The following CNTNAP2 variants were observed in gnomAD, a reference collection of about 807,000 sequenced individuals.
CNTNAP2 encodes contactin associated protein 2, also known as contactin-associated protein-like 2.
A neutral mutation model predicts 155.2 loss-of-function variants in CNTNAP2; 98 were observed. That is an observed-to-expected ratio of 0.63 (90% CI 0.54 to 0.75). The LOEUF (loss-of-function observed/expected upper bound fraction) is 0.75, where lower values mean the gene tolerates loss of function less well. CNTNAP2 is among the 30% of genes least tolerant of loss of function. The probability of loss-of-function intolerance (pLI) is 0.00; values close to 1 mark genes in which losing one functional copy is unlikely to be tolerated. For missense variants in CNTNAP2, 1,727 were observed against 1,688.1 expected (o/e 1.02, Z -0.40); for synonymous variants, 651 against 631.2 (o/e 1.03, Z -0.47).
intron 9 of CNTNAP2, among the ~76,000 whole-genome samples, chr7:147,356,036 A>G (rs1280943721): frequency 2.6e-5 from 4 of 152,134 alleles, no homozygotes; most frequent in African/African-American, 9.7e-5. Context: ...AAAATCCTCA[A>G]TAAAATACTA....
intron 13 of CNTNAP2, among the ~76,000 whole-genome samples, chr7:147,689,848 T>C (rs149678554): frequency 0.016 from 2,503 of 152,266 alleles, 221 homozygotes; most frequent in Admixed American, 0.15. Flanking sequence ...CAGGAGACAG[T>C]ATGCAGAAAA....
At chr7:146,958,634 C>T (rs917899221) in intron 3 of CNTNAP2, among the ~76,000 whole-genome samples, 2 of 151,530 alleles carry the variant, frequency 1.3e-5, no homozygotes, top group South Asian at 2.1e-4. Context: ...AGGATGGTGT[C>T]GATCTCCTGA....
chr7:147,663,872 TG>T (rs139545931), intron 13 of CNTNAP2, among the ~76,000 whole-genome samples: 7,601 of 152,266 alleles, frequency 0.05, 624 homozygotes, highest in African/African-American at 0.17. Context: ...AATGTGGAAT[TG>T]GTTCATTTAT....
chr7:146,641,835 T>A (rs1184343303), intron 1 of CNTNAP2, among the ~76,000 whole-genome samples: 2 of 152,230 alleles, frequency 1.3e-5, no homozygotes, highest in African/African-American at 4.8e-5. Flanking sequence ...GTGAGCATAT[T>A]AAAACCTAAT....
chr7:147,067,392 T>C (rs1032907623), intron 4 of CNTNAP2, among the ~76,000 whole-genome samples: 3 of 151,730 alleles, frequency 2.0e-5, no homozygotes, highest in African/African-American at 7.3e-5. Flanking sequence ...TGCTGTTTTA[T>C]TGGGGGTCAG....
Position 147,903,671 on chromosome 7 carries a change from C to A in CNTNAP2, c.2205C>A (p.Asn735Lys), listed in dbSNP as rs200610099. ...IQKCACGIER[N>K]CTDPKYYCNC... ...AATGTGCCTGCGGCATCGAACGCAACTGCACAGATCCCAAGTACTACTGTA... is the reference window on the plus strand; with the variant it reads ...AATGTGCCTGCGGCATCGAACGCAAATGCACAGATCCCAAGTACTACTGTA... The change falls in exon 14 of 24, where the codon AAC becomes AAA. Residue 735 changes from asparagine (N) to lysine (K), a missense_variant. By Grantham distance (94) the Asn-to-Lys change is moderately conservative. Coordinates refer to ENST00000361727, the MANE Select transcript of CNTNAP2 (RefSeq NM_014141.6). 560 of 1,613,916 alleles carry A rather than the reference C, an allele frequency of 3.5e-4. 6 individuals carry two copies. The highest frequency in any genetic ancestry group is 1.6e-4 in the Middle Eastern group (1 of 6,084).
chr7:148,263,069 G>A (rs1352406135), intron 20 of CNTNAP2: 2 of 152,230 alleles, frequency 1.3e-5, no homozygotes, highest in Non-Finnish European at 2.9e-5. Flanking sequence ...GTATGCGAGA[G>A]AGAAGACGTA....
At chr7:147,016,858 A>C (rs1798733394) in intron 3 of CNTNAP2, among the ~76,000 whole-genome samples, 2 of 152,158 alleles carry the variant, frequency 1.3e-5, no homozygotes, top group Admixed American at 6.6e-5. Flanking sequence ...TCTACTCCCT[A>C]GGTCACTGTG....
intron 14 of CNTNAP2, among the ~76,000 whole-genome samples, chr7:147,937,852 A>T (rs934769806): frequency 6.6e-6 from 1 of 152,164 alleles, no homozygotes; most frequent in East Asian, 1.9e-4. Flanking sequence ...TTTGAATTGG[A>T]GACTCAAATT....
intron 1 of CNTNAP2, among the ~76,000 whole-genome samples, chr7:146,539,955 G>A (rs1002422055): frequency 6.6e-6 from 1 of 152,022 alleles, no homozygotes; most frequent in Non-Finnish European, 1.5e-5. Flanking sequence ...GAGCACACCT[G>A]GACAAAGGAG....
chr7:146,668,264 T>C (rs1800233077), intron 1 of CNTNAP2, among the ~76,000 whole-genome samples: 1 of 152,202 alleles, frequency 6.6e-6, no homozygotes, highest in South Asian at 2.1e-4. Context: ...ATTTAATGTA[T>C]GATGTTTATT....
At chr7:147,138,928 A>G (rs1009198757) in intron 8 of CNTNAP2, among the ~76,000 whole-genome samples, 3 of 152,008 alleles carry the variant, frequency 2.0e-5, no homozygotes, top group Non-Finnish European at 4.4e-5. Flanking sequence ...TGAGAACCAG[A>G]CTGTGTTTCA....
At chr7:146,724,536 T>TTA (rs931931377) in intron 1 of CNTNAP2, among the ~76,000 whole-genome samples, 2 of 151,402 alleles carry the variant, frequency 1.3e-5, no homozygotes, top group African/African-American at 4.9e-5. Context: ...GCCTCTGACT[T>TTA]TAGAAGCATG....
chr7:148,257,398 G>A (rs977514322), intron 20 of CNTNAP2, among the ~76,000 whole-genome samples: 2 of 152,224 alleles, frequency 1.3e-5, no homozygotes, highest in South Asian at 2.1e-4. Context: ...GTTCTGTTAG[G>A]GGAGAGTGTT....
At chr7:146,581,338 C>CT (rs1798607897) in intron 1 of CNTNAP2, among the ~76,000 whole-genome samples, 1 of 152,032 alleles carries the variant, frequency 6.6e-6, no homozygotes, top group Non-Finnish European at 1.5e-5. Flanking sequence ...TCCTAAGATA[C>CT]TTTATTTTAT....
intron 20 of CNTNAP2, among the ~76,000 whole-genome samples, chr7:148,266,657 G>A (rs761894306): frequency 2.6e-4 from 40 of 152,156 alleles, no homozygotes; most frequent in Admixed American, 4.6e-4. Context: ...AAATGTTTCC[G>A]CAAAACTTCA....
chr7:147,640,987 C>A (rs1353548254), intron 13 of CNTNAP2, among the ~76,000 whole-genome samples: 1 of 152,178 alleles, frequency 6.6e-6, no homozygotes, highest in South Asian at 2.1e-4. Flanking sequence ...TGATGCTCTA[C>A]CCACATGGAG....
chr7:148,158,458 T>TG (rs575114103), intron 17 of CNTNAP2, among the ~76,000 whole-genome samples: 196 of 152,240 alleles, frequency 1.3e-3, no homozygotes, highest in African/African-American at 4.6e-3. Context: ...CTCGAGCTCA[T>TG]GATCCGCTGG....
At chr7:147,916,728 G>A (rs1800170152) in intron 14 of CNTNAP2, among the ~76,000 whole-genome samples, 1 of 146,952 alleles carries the variant, frequency 6.8e-6, no homozygotes, top group African/African-American at 2.5e-5. Context: ...GAAAAAAAAA[G>A]ATCAAATTAA....
Sources: gnomAD v4.1 joint callset for allele counts (sites outside exome capture counted in the v4.1 genomes callset) on GRCh38, gnomAD v4.1.1 for gene constraint, MANE v1.5 for transcripts, NCBI Gene and HGNC (gene_info 2026-07-23, HGNC 2026-07-21) for gene names.